Variants in EPB41L4B observed in about 807,000 individuals in gnomAD.
EPB41L4B encodes erythrocyte membrane protein band 4.1 like 4B.
EPB41L4B carries 30 observed loss-of-function variants against 112.5 expected under a neutral mutation model. The observed-to-expected ratio is 0.27, with a 90% confidence interval of 0.20 to 0.36. The LOEUF (loss-of-function observed/expected upper bound fraction) is 0.36, where lower values mean the gene tolerates loss of function less well. EPB41L4B is among the 10% of genes least tolerant of loss of function. The pLI is 1.00. For synonymous variants in EPB41L4B, 408 were observed against 439.7 expected, an observed-to-expected ratio of 0.93 and a Z score of 0.90; for missense variants, 1,024 against 1,133.3, an observed-to-expected ratio of 0.90 and a Z score of 1.38.
chr9:109,200,483 T>C (rs750932042), intron 19 of EPB41L4B, 149 bp from the exon 20 acceptor site: 1 of 504,456 alleles, frequency 2.0e-6, no homozygotes, highest in Admixed American at 3.5e-5. Context: ...CCGTACTTAG[T>C]TCATAATTAT....
Position 109,194,321 on chromosome 9 carries a change from C to T in EPB41L4B, c.2122G>A (p.Ala708Thr). ...TTSTTTNTTT[A>T]ATQVSVPLPS... ...AGCGGCACGGAGACTTGTGTGGCGG[C>T]CGTTGTGGTGTTTGTGGTTGTAGAT... Residue 708 changes from alanine (A) to threonine (T), a missense_variant, in exon 21 of 26, where the codon GCC (alanine) becomes ACC (threonine). Coordinates refer to ENST00000374566, the MANE Select transcript of EPB41L4B (RefSeq NM_019114.5). The T allele has an allele frequency of 6.2e-7, 1 of 1,614,140 alleles. No individual in the cohort carries two copies. Among genetic ancestry groups the T allele is most frequent in the Non-Finnish European group, 8.5e-7 (1 of 1,180,028 alleles).
rs1837852402 is a variant in EPB41L4B, at chr9:109,320,902, GCCGCGCCGCGCCCGGGGC to G, written c.-474_-457del. 6.6e-6 allele frequency: 1 copy of G among 151,420 alleles called. No individual in the cohort carries two copies. The highest frequency in any genetic ancestry group is 1.5e-5 in the Non-Finnish European group (1 of 68,846). 9.4% of individuals were successfully genotyped at this position (151,420 alleles called of 1,614,324 possible). On this transcript the variant is annotated 5_prime_UTR_variant, in exon 1 of 26. Transcript: ENST00000374566. The stretch of plus-strand genomic sequence containing the variant: ...GGTCCTGGCGCGCTCGCTCCCACTC[GCCGCGCCGCGCCCGGGGC>G]CCGAGGAGGCCCCGCCGAGCGCCCG...
rs1320312812 is a variant in EPB41L4B, at chr9:109,185,621, G to C, written c.2302-16C>G. 6.3e-7 allele frequency: 1 copy of C among 1,582,470 alleles called. No individual in the cohort carries two copies. The highest frequency in any genetic ancestry group is 1.2e-5 in the South Asian group (1 of 86,582). On this transcript the variant is annotated splice_polypyrimidine_tract_variant and intron_variant, in intron 22 of 25. Transcript: ENST00000374566. ...CGGGCTCTGCCTGCTCACGAGGAGA[G>C]GAGAGAAGGGGAGGAGGAGGTGGCA... is the stretch of plus-strand genomic sequence containing the variant.
chr9:109,267,891 G>A (rs942835726), intron 3 of EPB41L4B, among the ~76,000 whole-genome samples: 4 of 152,196 alleles, frequency 2.6e-5, no homozygotes, highest in Admixed American at 2.6e-4. Flanking sequence ...AAGGCTAAAG[G>A]AAAGTGATGC....
At chr9:109,288,925 A>C (rs932304895) in intron 1 of EPB41L4B, among the ~76,000 whole-genome samples, 3 of 151,696 alleles carry the variant, frequency 2.0e-5, no homozygotes, top group Non-Finnish European at 4.4e-5. Context: ...GGAAGGAAAA[A>C]GAAAGGAAAG....
At chr9:109,181,936 T>A (rs528691586) in intron 24 of EPB41L4B, among the ~76,000 whole-genome samples, 1 of 152,278 alleles carries the variant, frequency 6.6e-6, no homozygotes, top group South Asian at 2.1e-4. Context: ...AGGCTGGGCA[T>A]GGTGGCTCAC....
chr9:109,187,821 G>A (rs1832323430), intron 22 of EPB41L4B, among the ~76,000 whole-genome samples: 1 of 152,228 alleles, frequency 6.6e-6, no homozygotes, highest in African/African-American at 2.4e-5. Context: ...TTAAGGGATG[G>A]TCCAGCATTT....
At chr9:109,187,936 G>A (rs1274951441) in intron 22 of EPB41L4B, among the ~76,000 whole-genome samples, 5 of 152,264 alleles carry the variant, frequency 3.3e-5, no homozygotes, top group Non-Finnish European at 5.9e-5. Context: ...GGGCTCCCAC[G>A]CTCCAGACTG....
At chr9:109,240,651 C>A (rs899978573) in intron 15 of EPB41L4B, 7 of 985,438 alleles carry the variant, frequency 7.1e-6, no homozygotes, top group Non-Finnish European at 7.2e-6. Flanking sequence ...GTTCTACCAA[C>A]AGACTAGGGC....
chr9:109,262,366 C>A (rs563706057), intron 6 of EPB41L4B, among the ~76,000 whole-genome samples: 1 of 152,194 alleles, frequency 6.6e-6, no homozygotes, highest in African/African-American at 2.4e-5. Flanking sequence ...GCCTGAGAAT[C>A]ATCTCAAACT....
chr9:109,254,023 T>G (rs1834891244), intron 11 of EPB41L4B, among the ~76,000 whole-genome samples: 1 of 152,244 alleles, frequency 6.6e-6, no homozygotes, highest in South Asian at 2.1e-4. Context: ...GACACCCGGC[T>G]GCAGATTCCA....
At chr9:109,306,559 G>A (rs1306504143) in intron 1 of EPB41L4B, among the ~76,000 whole-genome samples, 1 of 152,230 alleles carries the variant, frequency 6.6e-6, no homozygotes, top group Non-Finnish European at 1.5e-5. Flanking sequence ...GTTGCAGTGA[G>A]CCAAGATCGT....
chr9:109,255,685 A>G lies in EPB41L4B; in HGVS notation c.1000-5T>C, dbSNP rs774052433. On this transcript the variant is annotated splice_polypyrimidine_tract_variant and splice_region_variant and intron_variant, in intron 10 of 25. Coordinates refer to ENST00000374566, the MANE Select transcript of EPB41L4B (RefSeq NM_019114.5). ...CGTGTGCTCTTGCTCACGTCCCTTA[A>G]AGAGGAAGCACAAGGGCCTCGAGTG... 6.2e-7 allele frequency: 1 copy of G among 1,611,884 alleles called. No homozygotes were observed. Among genetic ancestry groups the G allele is most frequent in the South Asian group, 1.1e-5 (1 of 91,024 alleles).
intron 1 of EPB41L4B, among the ~76,000 whole-genome samples, chr9:109,303,659 T>TTTTTCTTTTC (rs199892894): frequency 6.6e-6 from 1 of 151,822 alleles, no homozygotes; most frequent in East Asian, 2.0e-4. Flanking sequence ...GGCTGGGTTT[T>TTTTTCTTTTC]TTTTCTTTTC....
chr9:109,201,753 G>A (rs1051861046), intron 19 of EPB41L4B, among the ~76,000 whole-genome samples: 4 of 152,138 alleles, frequency 2.6e-5, no homozygotes, highest in Non-Finnish European at 5.9e-5. Context: ...CTACCATCCG[G>A]TGAGGTCTCA....
chr9:109,283,007 A>G (rs1288755537), intron 1 of EPB41L4B, among the ~76,000 whole-genome samples: 2 of 152,058 alleles, frequency 1.3e-5, no homozygotes, highest in African/African-American at 2.4e-5. Flanking sequence ...TTTCTTCAAC[A>G]AGCAGAATAT....
At chr9:109,198,112 CTATGAAGGA>C (rs1245765505) in intron 20 of EPB41L4B, among the ~76,000 whole-genome samples, 1 of 152,178 alleles carries the variant, frequency 6.6e-6, no homozygotes, top group African/African-American at 2.4e-5. Flanking sequence ...CCAGAAGTTT[CTATGAAGGA>C]TATGAGGTGG....
chr9:109,243,782 G>T (rs948427388), intron 14 of EPB41L4B, 100 bp from the exon 15 acceptor site: 5 of 1,155,302 alleles, frequency 4.3e-6, no homozygotes, highest in East Asian at 4.8e-5. Flanking sequence ...GGGGCTGGGG[G>T]ACTAAGAATG....
chr9:109,208,376 T>C (rs1304218465), intron 17 of EPB41L4B, among the ~76,000 whole-genome samples: 1 of 152,146 alleles, frequency 6.6e-6, no homozygotes. Flanking sequence ...CTCAGTCCAG[T>C]GTTATTTTCC....
Sources: allele counts gnomAD v4.1 joint callset (sites outside exome capture counted in the v4.1 genomes callset), GRCh38; gene constraint gnomAD v4.1.1; transcripts MANE v1.5; gene names NCBI Gene and HGNC (gene_info 2026-07-23, HGNC 2026-07-21).